DAB1: variants seen among roughly 807,000 people sequenced by gnomAD.
DAB1 encodes disabled homolog 1.
In DAB1, 15 loss-of-function variants were observed where a neutral mutation model predicts 64.6. That is an observed-to-expected ratio of 0.23 (90% CI 0.16 to 0.36). The LOEUF is 0.36. Ranked by LOEUF, DAB1 falls within the 10% of genes least tolerant of loss-of-function variation. DAB1 has a pLI of 1.00. For missense variants in DAB1, 596 were observed against 706.7 expected (o/e 0.84, Z 1.78); for synonymous variants, 235 against 251.9 (o/e 0.93, Z 0.64).
chr1:57,054,076 C>A (rs192691897), intron 9 of DAB1, among the ~76,000 whole-genome samples: 123 of 152,118 alleles, frequency 8.1e-4, no homozygotes, highest in African/African-American at 2.9e-3. Flanking sequence ...ATGCCTAATA[C>A]AACTATATAA....
intron 5 of DAB1, among the ~76,000 whole-genome samples, chr1:57,994,741 G>A (rs558357827): frequency 2.6e-5 from 4 of 152,312 alleles, no homozygotes; most frequent in South Asian, 4.2e-4. Context: ...TGACTGGTTT[G>A]ATGAGAATAG....
At chr1:58,471,743 G>A (rs1000708513) in intron 3 of DAB1, among the ~76,000 whole-genome samples, 1 of 152,112 alleles carries the variant, frequency 6.6e-6, no homozygotes, top group African/African-American at 2.4e-5. Flanking sequence ...TTAAAAGTGT[G>A]TAGCACCTCC....
intron 6 of DAB1, among the ~76,000 whole-genome samples, chr1:57,687,456 C>G (rs1042397334): frequency 2.6e-5 from 4 of 151,900 alleles, no homozygotes; most frequent in Admixed American, 2.0e-4. Context: ...TTAAAATGAC[C>G]ATACTGCCCA....
At chr1:58,317,119 C>T (rs1662575311) in intron 4 of DAB1, among the ~76,000 whole-genome samples, 1 of 152,240 alleles carries the variant, frequency 6.6e-6, no homozygotes, top group Admixed American at 6.5e-5. Context: ...TCTGTTCTGT[C>T]CAGCTATCTC....
intron 1 of DAB1, among the ~76,000 whole-genome samples, chr1:57,355,788 A>G (rs1325431519): frequency 2.6e-5 from 4 of 152,028 alleles, no homozygotes; most frequent in Admixed American, 2.6e-4. Context: ...TTTGTACATA[A>G]GAATTTTATG....
At chr1:58,133,667 G>C (rs778798772) in intron 5 of DAB1, among the ~76,000 whole-genome samples, 1 of 152,032 alleles carries the variant, frequency 6.6e-6, no homozygotes, top group Non-Finnish European at 1.5e-5. Flanking sequence ...CTGATTTAAG[G>C]CTCTCACTTG....
intron 5 of DAB1, among the ~76,000 whole-genome samples, chr1:57,950,355 A>T (rs2100233537): frequency 6.6e-6 from 1 of 152,264 alleles, no homozygotes; most frequent in African/African-American, 2.4e-5. Flanking sequence ...ATTTTTCTAT[A>T]TTCACCCACT....
chr1:58,255,517 C>G (rs908517792), intron 4 of DAB1, among the ~76,000 whole-genome samples: 1 of 152,078 alleles, frequency 6.6e-6, no homozygotes, highest in Non-Finnish European at 1.5e-5. Flanking sequence ...TGGCCACCAA[C>G]AGCTCTAGGC....
chr1:57,813,959 G>T (rs1469855134), intron 6 of DAB1, among the ~76,000 whole-genome samples: 1 of 152,112 alleles, frequency 6.6e-6, no homozygotes, highest in Non-Finnish European at 1.5e-5. Flanking sequence ...TTCACTCTTG[G>T]TTATCCCATT....
chr1:58,339,810 T>G (rs1346325600), intron 4 of DAB1, among the ~76,000 whole-genome samples: 7 of 152,214 alleles, frequency 4.6e-5, no homozygotes, highest in African/African-American at 1.4e-4. Context: ...TCACTGAAGA[T>G]TTTGTGACAC....
At chr1:57,091,379 A>T (rs1205803140) in intron 4 of DAB1, among the ~76,000 whole-genome samples, 1 of 152,220 alleles carries the variant, frequency 6.6e-6, no homozygotes, top group Non-Finnish European at 1.5e-5. Flanking sequence ...TTTGGAATCT[A>T]TCAGTTAACA....
At chr1:58,101,026 G>A (rs1303134407) in intron 5 of DAB1, among the ~76,000 whole-genome samples, 1 of 152,168 alleles carries the variant, frequency 6.6e-6, no homozygotes, top group Non-Finnish European at 1.5e-5. Flanking sequence ...GAATAGAAAA[G>A]CCAGTCACAG....
intron 4 of DAB1, among the ~76,000 whole-genome samples, chr1:58,163,107 C>G (rs1314554452): frequency 2.6e-5 from 4 of 152,166 alleles, no homozygotes; most frequent in African/African-American, 9.7e-5. Context: ...GGGAAGCAAA[C>G]CAGGAGCAAG....
chr1:58,131,748 G>A (rs1167520079), intron 5 of DAB1, among the ~76,000 whole-genome samples: 1 of 147,030 alleles, frequency 6.8e-6, no homozygotes, highest in South Asian at 2.3e-4. Flanking sequence ...CTGCTGGGGG[G>A]TGCCTCCCAG....
chr1:57,700,482 T>C (rs749792537), intron 6 of DAB1, among the ~76,000 whole-genome samples: 4 of 152,152 alleles, frequency 2.6e-5, no homozygotes, highest in Non-Finnish European at 4.4e-5. Context: ...CTGCTGTGGA[T>C]ATTTGTCTAA....
chr1:57,954,783 T>C (rs993722813), intron 5 of DAB1, among the ~76,000 whole-genome samples: 48 of 152,202 alleles, frequency 3.2e-4, no homozygotes, highest in Non-Finnish European at 3.4e-4. Flanking sequence ...TATGATAAAA[T>C]AGCTGCTGGA....
intron 1 of DAB1, among the ~76,000 whole-genome samples, chr1:57,327,115 T>C (rs895448393): frequency 6.6e-6 from 1 of 152,040 alleles, no homozygotes; most frequent in African/African-American, 2.4e-5. Context: ...ATTTTTTTTA[T>C]TTTTTGTAGT....
At chr1:57,083,657 C>G (rs1413811977) in intron 4 of DAB1, among the ~76,000 whole-genome samples, 1 of 152,180 alleles carries the variant, frequency 6.6e-6, no homozygotes, top group East Asian at 1.9e-4. Context: ...AGTGAATTGA[C>G]TAAAATGCAG....
At chr1:58,080,240 A>G (rs1649914073) in intron 5 of DAB1, 2 of 152,172 alleles carry the variant, frequency 1.3e-5, no homozygotes, top group Non-Finnish European at 2.9e-5. Flanking sequence ...TGAAGGACTG[A>G]TCTCTCATTT....
Sources: allele counts gnomAD v4.1 joint callset (sites outside exome capture counted in the v4.1 genomes callset), GRCh38; gene constraint gnomAD v4.1.1; transcripts MANE v1.5; gene names NCBI Gene and HGNC (gene_info 2026-07-23, HGNC 2026-07-21).